Variants in PIP5K1B observed in about 807,000 individuals in gnomAD.
PIP5K1B encodes the protein phosphatidylinositol 4-phosphate 5-kinase type-1 beta.
In PIP5K1B, 42 loss-of-function variants were observed where a neutral mutation model predicts 67.0. The ratio of observed to expected loss-of-function variants is 0.63; its 90% CI spans 0.49 to 0.81. The LOEUF (loss-of-function observed/expected upper bound fraction) is 0.81, where lower values mean the gene tolerates loss of function less well. PIP5K1B is among the 30% of genes least tolerant of loss of function. The pLI is 0.00. For missense variants in PIP5K1B, 459 were observed against 646.3 expected (o/e 0.71, Z 3.14); for synonymous variants, 214 against 231.4 (o/e 0.92, Z 0.68).
chr9:68,832,909 T>C (rs909532333), intron 4 of PIP5K1B, among the ~76,000 whole-genome samples: 1 of 152,240 alleles, frequency 6.6e-6, no homozygotes, highest in Non-Finnish European at 1.5e-5. Flanking sequence ...TGGGTAACAT[T>C]CTAATTTTCC....
chr9:68,905,188 G>A (rs1394525420), intron 8 of PIP5K1B, among the ~76,000 whole-genome samples: 2 of 152,052 alleles, frequency 1.3e-5, no homozygotes, highest in Non-Finnish European at 2.9e-5. Context: ...AGGGAGCAAA[G>A]GGAAGGAAAT....
intron 4 of PIP5K1B, among the ~76,000 whole-genome samples, chr9:68,842,663 G>A (rs1004743849): frequency 6.6e-6 from 1 of 152,174 alleles, no homozygotes; most frequent in African/African-American, 2.4e-5. Flanking sequence ...ATTTATTACT[G>A]TCTGCAGGTA....
At chr9:68,776,535 C>G (rs552011243) in intron 2 of PIP5K1B, among the ~76,000 whole-genome samples, 96 of 152,122 alleles carry the variant, frequency 6.3e-4, no homozygotes, top group African/African-American at 2.1e-3. Context: ...GTCATGAACT[C>G]CTGGACTCAA....
chr9:68,780,767 A>G (rs1258675515), intron 2 of PIP5K1B: 2 of 1,614,262 alleles, frequency 1.2e-6, no homozygotes, highest in Non-Finnish European at 1.7e-6. Context: ...TTCTTGGACC[A>G]TTGAAAAGAA....
rs186828313 is a variant in PIP5K1B, at chr9:68,851,444, C to T, written c.70-12393C>T. On this transcript the variant is annotated intron_variant, in intron 4 of 15. Coordinates refer to ENST00000265382, the MANE Select transcript of PIP5K1B (RefSeq NM_003558.4). Reference sequence around the variant, plus strand: ...CATCATTTAATGGAACTCCAGTATTCTTATTTTTGAAAATGCAGATGCTGC... The same window carrying T: ...CATCATTTAATGGAACTCCAGTATTTTTATTTTTGAAAATGCAGATGCTGC... 1.7e-3 allele frequency among the ~76,000 whole-genome samples: 260 copies of T among 152,308 alleles called. 2 individuals are homozygous for T. Among genetic ancestry groups the T allele is most frequent in the African/African-American group, 6.0e-3 (251 of 41,570 alleles).
chr9:68,858,962 A>T (rs1314981299), intron 4 of PIP5K1B, among the ~76,000 whole-genome samples: 3 of 152,196 alleles, frequency 2.0e-5, no homozygotes, highest in African/African-American at 7.2e-5. Flanking sequence ...AACTTTCATC[A>T]TTATTATCTC....
intron 1 of PIP5K1B, among the ~76,000 whole-genome samples, chr9:68,716,994 A>G (rs777322089): frequency 2.0e-5 from 3 of 152,170 alleles, no homozygotes; most frequent in African/African-American, 4.8e-5. Flanking sequence ...GAAGCAACCA[A>G]ATACCGCGTG....
intron 1 of PIP5K1B, among the ~76,000 whole-genome samples, chr9:68,714,833 C>T (rs1013716792): frequency 2.6e-5 from 4 of 151,894 alleles, no homozygotes; most frequent in East Asian, 1.9e-4. Context: ...CCAACCCTAC[C>T]GCAAATACCA....
chr9:68,929,765 G>A (rs1826901962), intron 12 of PIP5K1B, among the ~76,000 whole-genome samples: 1 of 152,142 alleles, frequency 6.6e-6, no homozygotes, highest in South Asian at 2.1e-4. Context: ...TGCCTCCCAG[G>A]TTCAAGTGAT....
chr9:68,805,176 A>G (rs1181200110), intron 2 of PIP5K1B, among the ~76,000 whole-genome samples: 1 of 152,164 alleles, frequency 6.6e-6, no homozygotes, highest in African/African-American at 2.4e-5. Context: ...TTTGCAGAGG[A>G]AGGAGCCCTC....
At chr9:68,811,220 T>G (rs1833145544) in intron 2 of PIP5K1B, among the ~76,000 whole-genome samples, 2 of 152,204 alleles carry the variant, frequency 1.3e-5, no homozygotes, top group Admixed American at 6.5e-5. Flanking sequence ...AGAATCATGT[T>G]TCTCAGGCTT....
intron 8 of PIP5K1B, among the ~76,000 whole-genome samples, chr9:68,901,787 G>A (rs1181447306): frequency 1.3e-5 from 2 of 152,158 alleles, no homozygotes; most frequent in African/African-American, 4.8e-5. Context: ...AACAGTAAAA[G>A]AATGCCTTCT....
chr9:68,904,567 C>T (rs12003428), intron 8 of PIP5K1B, among the ~76,000 whole-genome samples: 2,246 of 152,274 alleles, frequency 0.015, 50 homozygotes, highest in African/African-American at 0.049. Context: ...TGCATGCACA[C>T]GAAATCCTAT....
At chr9:68,807,559 T>C (rs1832936583) in intron 2 of PIP5K1B, among the ~76,000 whole-genome samples, 1 of 152,180 alleles carries the variant, frequency 6.6e-6, no homozygotes, top group Non-Finnish European at 1.5e-5. Context: ...ATTTGGGGCA[T>C]ATAGGGGATC....
At chr9:68,846,352 A>T (rs1185091048) in intron 4 of PIP5K1B, among the ~76,000 whole-genome samples, 1 of 152,218 alleles carries the variant, frequency 6.6e-6, no homozygotes, top group Non-Finnish European at 1.5e-5. Flanking sequence ...TATGCCAGTC[A>T]TTTAAAATAA....
At chr9:68,849,031 T>C (rs935838501) in intron 4 of PIP5K1B, among the ~76,000 whole-genome samples, 1 of 152,238 alleles carries the variant, frequency 6.6e-6, no homozygotes, top group African/African-American at 2.4e-5. Context: ...AGTATGTAAA[T>C]TGATGAAATC....
intron 8 of PIP5K1B, among the ~76,000 whole-genome samples, chr9:68,906,830 T>A (rs1825635516): frequency 6.6e-6 from 1 of 152,230 alleles, no homozygotes; most frequent in Non-Finnish European, 1.5e-5. Flanking sequence ...CACTTGGTGA[T>A]CTCTCTTCAA....
intron 14 of PIP5K1B, among the ~76,000 whole-genome samples, chr9:68,961,158 C>T (rs185804686): frequency 1.3e-3 from 197 of 148,582 alleles, no homozygotes; most frequent in African/African-American, 4.7e-3. Context: ...TGCAGTGAGC[C>T]GAGATTGCGC....
intron 7 of PIP5K1B, among the ~76,000 whole-genome samples, chr9:68,890,123 A>G (rs1456610672): frequency 3.3e-5 from 5 of 152,182 alleles, no homozygotes; most frequent in Admixed American, 6.5e-5. Flanking sequence ...CCCTACACTA[A>G]TACACCGGAA....
Sources: allele counts gnomAD v4.1 joint callset (sites outside exome capture counted in the v4.1 genomes callset), GRCh38; gene constraint gnomAD v4.1.1; transcripts MANE v1.5; gene names NCBI Gene and HGNC (gene_info 2026-07-23, HGNC 2026-07-21).